The following GLB1L3 variants were observed in gnomAD, a reference collection of about 807,000 sequenced individuals.
GLB1L3 encodes beta-galactosidase-1-like protein 3.
In GLB1L3, 89 loss-of-function variants were observed where a neutral mutation model predicts 89.5. The observed-to-expected ratio is 0.99, with a 90% CI of 0.84 to 1.19. The LOEUF (loss-of-function observed/expected upper bound fraction) is 1.19, where lower values mean the gene tolerates loss of function less well. GLB1L3 is among the 50% of genes most tolerant of loss of function. The probability of loss-of-function intolerance (pLI) is 0.00; values close to 1 mark genes in which losing one functional copy is unlikely to be tolerated. For synonymous variants in GLB1L3, 314 were observed against 312.3 expected, an observed-to-expected ratio of 1.01 and a Z score of -0.06; for missense variants, 812 against 813.3, an observed-to-expected ratio of 1.00 and a Z score of 0.02.
rs974704013 is a variant in GLB1L3, at chr11:134,312,285, C to G, written c.1288-64C>G. ...ATTAGGCAGGACCAAATGACAGGGT[C>G]TTAGGAAGGAGGATCCTGACTGCTC... On this transcript the variant is annotated intron_variant, in intron 13 of 19. Coordinates refer to ENST00000431683, the MANE Select transcript of GLB1L3 (RefSeq NM_001080407.3). The G allele has an allele frequency of 3.8e-6, 6 of 1,578,908 alleles. No homozygotes were observed. The Admixed American group carries it at 5.1e-5, about 13-fold the overall frequency.
At chr11:134,291,273 CTTT>C (rs11344045) in intron 7 of GLB1L3, among the ~76,000 whole-genome samples, 12 of 142,128 alleles carry the variant, frequency 8.4e-5, no homozygotes, top group Non-Finnish European at 1.5e-4. Flanking sequence ...CTCCCATATG[CTTT>C]TTTTTTTTTT....
chr11:134,300,907 G>A (rs921160181), intron 9 of GLB1L3, among the ~76,000 whole-genome samples: 2 of 152,176 alleles, frequency 1.3e-5, no homozygotes, highest in Non-Finnish European at 2.9e-5. Context: ...TTAGGCCTTC[G>A]TGTGAATTTG....
intron 6 of GLB1L3, among the ~76,000 whole-genome samples, chr11:134,286,637 C>T (rs576358579): frequency 2.6e-5 from 4 of 151,114 alleles, no homozygotes; most frequent in South Asian, 2.1e-4. Flanking sequence ...ATTAGCCGGG[C>T]GTGGTGGCGG....
Position 134,319,046 on chromosome 11 carries a change from TC to T in GLB1L3, c.*105del. The T allele has an allele frequency of 1.2e-6, 1 of 801,086 alleles. No individual in the cohort carries two copies. Among genetic ancestry groups the T allele is most frequent in the Non-Finnish European group, 2.1e-6 (1 of 480,536 alleles). The allele number at this position is 801,086 out of a possible 1,614,324, so 49.6% of individuals were successfully genotyped here. ...CTCTGCTCACTGCAAGCTCAGCCTC[TC>T]GGGTTCACGCCATTCTCCTGCCTCA... On this transcript the variant is annotated 3_prime_UTR_variant, in exon 20 of 20. Transcript: ENST00000431683.
chr11:134,286,953 G>A (rs1008931151), intron 6 of GLB1L3: 1 of 150,110 alleles, frequency 6.7e-6, no homozygotes, highest in African/African-American at 2.5e-5. Context: ...GAGGTCAGGA[G>A]ATCAAGACCA....
At chr11:134,308,489 TCACCACCAAATA>T (rs1942485825) in intron 10 of GLB1L3, among the ~76,000 whole-genome samples, 2 of 6,108 alleles carry the variant, frequency 3.3e-4, no homozygotes, top group African/African-American at 1.7e-3. Flanking sequence ...ACCACCACCA[TCACCACCAAATA>T]CCACCACCAC....
chr11:134,305,968 G>A (rs979601719), intron 9 of GLB1L3, among the ~76,000 whole-genome samples: 1 of 152,172 alleles, frequency 6.6e-6, no homozygotes, highest in Non-Finnish European at 1.5e-5. Flanking sequence ...TCTTATAGGA[G>A]TATTGTAGGA....
chr11:134,276,607 G>C lies in GLB1L3; in HGVS notation c.-134G>C. 1 of 806,716 alleles carries C rather than the reference G, an allele frequency of 1.2e-6. No individual in the cohort carries two copies. The highest frequency in any genetic ancestry group is 3.5e-5 in the East Asian group (1 of 28,248). 50.0% of individuals were successfully genotyped at this position (806,716 alleles called of 1,614,324 possible). On this transcript the variant is annotated 5_prime_UTR_variant, in exon 1 of 20. Transcript: ENST00000431683. ...GCGCCTCGGGACGGATTTCTGCCTC[G>C]GCTGCAGGCGCAGCGCGCAGACCTG...
chr11:134,308,217 T>G (rs62636435), intron 10 of GLB1L3, among the ~76,000 whole-genome samples: 4 of 31,536 alleles, frequency 1.3e-4, no homozygotes, highest in African/African-American at 5.0e-4. Context: ...ACCACCACCA[T>G]CACCATCACC....
At chr11:134,308,208 C>CCACCACCACCACCACCACCACCACCAT (rs1565412314) in intron 10 of GLB1L3, among the ~76,000 whole-genome samples, 1 of 27,224 alleles carries the variant, frequency 3.7e-5, no homozygotes, top group Non-Finnish European at 7.4e-5. Context: ...ACCACTACCA[C>CCACCACCACCACCACCACCACCACCAT]CACCACCATC....
At chr11:134,315,048 G>A (rs1365753007) in intron 18 of GLB1L3, among the ~76,000 whole-genome samples, 3 of 152,112 alleles carry the variant, frequency 2.0e-5, no homozygotes, top group African/African-American at 7.2e-5. Context: ...TAACACCCTA[G>A]GCCAGTGTCT....
At chr11:134,296,835 G>T (rs372940438) in intron 9 of GLB1L3, among the ~76,000 whole-genome samples, 1 of 39,068 alleles carries the variant, frequency 2.6e-5, no homozygotes, top group Non-Finnish European at 6.6e-5. Flanking sequence ...AAAACTTAAA[G>T]TATAATAATA....
chr11:134,315,484 AATT>A (rs1291462067), intron 18 of GLB1L3, among the ~76,000 whole-genome samples: 6 of 152,220 alleles, frequency 3.9e-5, no homozygotes, highest in Non-Finnish European at 5.9e-5. Flanking sequence ...GTGTGGATTC[AATT>A]ATTGAAAGAT....
intron 13 of GLB1L3, chr11:134,311,977 T>C (rs1942754991): frequency 6.1e-6 from 1 of 162,978 alleles, no homozygotes; most frequent in Non-Finnish European, 1.3e-5. Context: ...TTTAAGTTTT[T>C]TGTAGATGTG....
downstream of GLB1L3, among the ~76,000 whole-genome samples, chr11:134,324,345 T>C (rs1350521182): frequency 6.6e-6 from 1 of 152,208 alleles, no homozygotes; most frequent in East Asian, 1.9e-4. Flanking sequence ...GCATGTTTTG[T>C]AGAAGGAGCT....
intron 7 of GLB1L3, among the ~76,000 whole-genome samples, chr11:134,290,245 G>A (rs376046696): frequency 2.0e-4 from 30 of 149,602 alleles, no homozygotes; most frequent in African/African-American, 6.8e-4. Flanking sequence ...TTATTTAATC[G>A]GTTGTGTTCA....
intron 11 of GLB1L3, 98 bp downstream of exon 11, chr11:134,309,861 A>G: frequency 7.4e-7 from 1 of 1,353,048 alleles, no homozygotes; most frequent in Non-Finnish European, 1.0e-6. Context: ...TGGGTTCTTG[A>G]CCTATAATCT....
intron 7 of GLB1L3, 60 bp from the exon 8 acceptor site, chr11:134,292,072 A>C: frequency 8.7e-7 from 1 of 1,150,934 alleles, no homozygotes; most frequent in Non-Finnish European, 1.3e-6. Flanking sequence ...AGCTGTATGT[A>C]TTTCTTTTTT....
intron 18 of GLB1L3, among the ~76,000 whole-genome samples, chr11:134,316,543 TAACA>T (rs377512043): frequency 5.4e-4 from 83 of 152,318 alleles, no homozygotes; most frequent in African/African-American, 1.9e-3. Flanking sequence ...AAAGGTTTCA[TAACA>T]AACAGCTGAT....
Sources: allele counts gnomAD v4.1 joint callset (sites outside exome capture counted in the v4.1 genomes callset), GRCh38; gene constraint gnomAD v4.1.1; transcripts MANE v1.5; gene names NCBI Gene and HGNC (gene_info 2026-07-23, HGNC 2026-07-21).